The following IMPG1 variants were observed in gnomAD, a reference collection of about 807,000 sequenced individuals.
IMPG1 encodes interphotoreceptor matrix proteoglycan 1.
A neutral mutation model predicts 92.0 loss-of-function variants in IMPG1; 85 were observed. The ratio of observed to expected loss-of-function variants is 0.92; its 90% CI spans 0.78 to 1.11. The LOEUF (loss-of-function observed/expected upper bound fraction) is 1.11, where lower values mean the gene tolerates loss of function less well. Ranked by LOEUF, IMPG1 falls within the 50% of genes least tolerant of loss-of-function variation. The pLI is 0.00. For missense variants in IMPG1, 1,022 were observed against 956.0 expected, an observed-to-expected ratio of 1.07 and a Z score of -0.91; for synonymous variants, 367 against 334.1, an observed-to-expected ratio of 1.10 and a Z score of -1.08.
At chr6:76,037,003 TAAGC>T (rs1783752044) in intron 2 of IMPG1, among the ~76,000 whole-genome samples, 2 of 152,206 alleles carry the variant, frequency 1.3e-5, no homozygotes, top group Admixed American at 1.3e-4. Flanking sequence ...AGCCTCCCTA[TAAGC>T]ATTTGTAATA....
chr6:76,014,878 T>G (rs999281602), intron 7 of IMPG1, among the ~76,000 whole-genome samples: 1 of 152,174 alleles, frequency 6.6e-6, no homozygotes, highest in Non-Finnish European at 1.5e-5. Flanking sequence ...TATCTGGGAT[T>G]GATTAAGAGT....
At position 76,022,210 on chromosome 6, in the gene IMPG1, T is replaced by C. The variant is rs200247788; in HGVS notation, c.572A>G (p.Asn191Ser). 105 of 1,584,008 alleles carry C rather than the reference T, an allele frequency of 6.6e-5. No homozygotes were observed. In the East Asian group the frequency reaches 2.2e-3, roughly 34 times the overall value. ...ETIVISTDVA[N>S]VSLGPFPLTP... ...GAGAGGGAAAGGCCCAAGTGAGACGTTGGCAACATCTGTGAAAATTTTAAA... is the reference window on the plus strand; with the variant it reads ...GAGAGGGAAAGGCCCAAGTGAGACGCTGGCAACATCTGTGAAAATTTTAAA... Residue 191 changes from asparagine (N) to serine (S), a missense_variant, in exon 6 of 17, where the codon AAC (asparagine) becomes AGC (serine). Physicochemically the swap from Asn to Ser is conservative, Grantham distance 46. Coordinates refer to ENST00000369950, the MANE Select transcript of IMPG1 (RefSeq NM_001563.4).
chr6:76,026,260 C>A (rs34171642), intron 4 of IMPG1, among the ~76,000 whole-genome samples: 43,724 of 152,092 alleles, frequency 0.29, 6,632 homozygotes, highest in East Asian at 0.49. Context: ...CAGACAAGGA[C>A]CTTGTCTTTA....
At chr6:75,935,568 C>T (rs1781731844) in intron 14 of IMPG1, among the ~76,000 whole-genome samples, 1 of 152,144 alleles carries the variant, frequency 6.6e-6, no homozygotes, top group African/African-American at 2.4e-5. Context: ...CACTTACCAC[C>T]AAGGCTTTGT....
intron 13 of IMPG1, among the ~76,000 whole-genome samples, chr6:75,948,662 T>C (rs1259433553): frequency 6.6e-6 from 1 of 152,094 alleles, no homozygotes; most frequent in Non-Finnish European, 1.5e-5. Context: ...TGGCCTGGGG[T>C]AGAGATTCCC....
At chr6:75,923,357 G>T (rs564509224) in intron 16 of IMPG1, among the ~76,000 whole-genome samples, 110 of 152,046 alleles carry the variant, frequency 7.2e-4, no homozygotes, top group African/African-American at 2.5e-3. Context: ...AAATACATTT[G>T]ATAAATTACC....
At chr6:75,982,832 T>C (rs1304614383) in intron 12 of IMPG1, among the ~76,000 whole-genome samples, 1 of 152,048 alleles carries the variant, frequency 6.6e-6, no homozygotes, top group African/African-American at 2.4e-5. Context: ...TTATATAGTT[T>C]CTACTGTCAC....
At position 75,924,749 on chromosome 6, in the gene IMPG1, A is replaced by ATATG. The variant is rs1293067437; in HGVS notation, c.2244-1044_2244-1043insCATA. ...TAATTATATATAATATATAATATATAATATATCATATAATTATATATAATA... is the reference window on the plus strand; with the variant it reads ...TAATTATATATAATATATAATATATATATGATATATCATATAATTATATATAATA... On this transcript the variant is annotated intron_variant, in intron 15 of 16. Transcript: ENST00000369950. 9.3e-5 allele frequency among the ~76,000 whole-genome samples: 3 copies of ATATG among 32,330 alleles called. 1 individual carries two copies. Among genetic ancestry groups the ATATG allele is most frequent in the Admixed American group, 5.6e-4 (1 of 1,784 alleles). 21.2% of individuals were successfully genotyped at this position (32,330 alleles called of 152,430 possible). A position where few individuals can be genotyped will look rare whatever the true frequency, so the allele number is the denominator to read the frequency against.
chr6:76,050,092 AT>A (rs1389731680), intron 1 of IMPG1, among the ~76,000 whole-genome samples: 1 of 152,140 alleles, frequency 6.6e-6, no homozygotes, highest in Non-Finnish European at 1.5e-5. Context: ...CTGCCCAAGG[AT>A]GTGAGTGGCA....
chr6:75,931,346 A>AT (rs1307138572), intron 14 of IMPG1, among the ~76,000 whole-genome samples, 195 bp from the exon 15 acceptor site: 2 of 152,236 alleles, frequency 1.3e-5, no homozygotes, highest in Non-Finnish European at 2.9e-5. Context: ...CACAAGTGAT[A>AT]TTAGTTTAGC....
intron 12 of IMPG1, among the ~76,000 whole-genome samples, chr6:75,995,379 T>A (rs1782879124): frequency 6.6e-6 from 1 of 152,236 alleles, no homozygotes; most frequent in Non-Finnish European, 1.5e-5. Flanking sequence ...TAAAGCTCTA[T>A]GCTTCTAGAG....
chr6:75,926,425 G>A (rs565447863), intron 15 of IMPG1, among the ~76,000 whole-genome samples: 1 of 152,192 alleles, frequency 6.6e-6, no homozygotes, highest in Non-Finnish European at 1.5e-5. Flanking sequence ...TCCATTTGAG[G>A]TGTAGCATGT....
At chr6:75,968,322 T>C (rs1398460657) in intron 12 of IMPG1, among the ~76,000 whole-genome samples, 1 of 152,206 alleles carries the variant, frequency 6.6e-6, no homozygotes, top group African/African-American at 2.4e-5. Context: ...AAATACCTTA[T>C]GATATAAGAA....
At chr6:75,974,358 TC>T (rs1782479544) in intron 12 of IMPG1, among the ~76,000 whole-genome samples, 1 of 123,066 alleles carries the variant, frequency 8.1e-6, no homozygotes, top group Admixed American at 8.8e-5. Flanking sequence ...TTTCTTTCTT[TC>T]TTTCTTTCTT....
chr6:75,980,335 A>G (rs1466111863), intron 12 of IMPG1, among the ~76,000 whole-genome samples: 1 of 152,270 alleles, frequency 6.6e-6, no homozygotes, highest in Non-Finnish European at 1.5e-5. Context: ...GTGCAAACAC[A>G]TGGAAGACAG....
chr6:76,050,247 C>G (rs1390584145), intron 1 of IMPG1, among the ~76,000 whole-genome samples: 1 of 152,086 alleles, frequency 6.6e-6, no homozygotes, highest in Non-Finnish European at 1.5e-5. Flanking sequence ...CGAGACTAGC[C>G]TGGCCAACAT....
At chr6:76,003,357 A>G (rs1783033383) in intron 11 of IMPG1, among the ~76,000 whole-genome samples, 1 of 152,236 alleles carries the variant, frequency 6.6e-6, no homozygotes, top group Non-Finnish European at 1.5e-5. Flanking sequence ...AACTTCTGGC[A>G]TAAATTAAAT....
At chr6:75,984,225 C>G (rs1381470185) in intron 12 of IMPG1, among the ~76,000 whole-genome samples, 1 of 152,110 alleles carries the variant, frequency 6.6e-6, no homozygotes, top group Non-Finnish European at 1.5e-5. Context: ...GGTATATATA[C>G]AAAGCAAATA....
intron 12 of IMPG1, among the ~76,000 whole-genome samples, chr6:75,986,624 G>A (rs1782722399): frequency 6.6e-6 from 1 of 152,122 alleles, no homozygotes; most frequent in South Asian, 2.1e-4. Context: ...AAGCAAAGTG[G>A]TTATCAATAA....
Sources: gnomAD v4.1 joint callset for allele counts (sites outside exome capture counted in the v4.1 genomes callset) on GRCh38, gnomAD v4.1.1 for gene constraint, MANE v1.5 for transcripts, NCBI Gene and HGNC (gene_info 2026-07-23, HGNC 2026-07-21) for gene names.